Variants in DNAAF10 observed in about 807,000 individuals in gnomAD.
The protein encoded by DNAAF10 is WD repeat domain 92.
In DNAAF10, 28 loss-of-function variants were observed where a neutral mutation model predicts 43.7. The ratio of observed to expected loss-of-function variants is 0.64; its 90% CI spans 0.48 to 0.88. DNAAF10 has a LOEUF of 0.88. Ranked by LOEUF, DNAAF10 falls within the 40% of genes least tolerant of loss-of-function variation. DNAAF10 has a pLI of 0.00. For missense variants in DNAAF10, 403 were observed against 439.1 expected, an observed-to-expected ratio of 0.92 and a Z score of 0.73; for synonymous variants, 156 against 157.3, an observed-to-expected ratio of 0.99 and a Z score of 0.06.
At chr2:68,147,851 T>C (rs1231592199) in intron 1 of DNAAF10, among the ~76,000 whole-genome samples, 1 of 152,238 alleles carries the variant, frequency 6.6e-6, no homozygotes, top group Non-Finnish European at 1.5e-5. Context: ...TATGAAAGTT[T>C]CAGCATTTCA....
Position 68,131,053 on chromosome 2 carries a change from C to CTACA in DNAAF10, c.*181_*184dup. On this transcript the variant is annotated 3_prime_UTR_variant, in exon 8 of 8. Transcript: ENST00000295121. ...GCCTCAGCCTCCCAAGTAGCTAGGA[C>CTACA]TACAGATGCCCGCCATGACACCCAG... 1 of 484,830 alleles carries CTACA rather than the reference C, an allele frequency of 2.1e-6. No individual in the cohort carries two copies. The highest frequency in any genetic ancestry group is 3.3e-5 in the Admixed American group (1 of 30,028). 30.0% of individuals were successfully genotyped at this position (484,830 alleles called of 1,614,324 possible). A position where few individuals can be genotyped will look rare whatever the true frequency, so the allele number is the denominator to read the frequency against.
intron 5 of DNAAF10, 45 bp downstream of exon 5, chr2:68,138,697 G>T: frequency 7.2e-7 from 1 of 1,387,508 alleles, no homozygotes; most frequent in Non-Finnish European, 1.0e-6. Context: ...AGAGGTGAAT[G>T]GAAACATGCT....
intron 7 of DNAAF10, among the ~76,000 whole-genome samples, chr2:68,133,305 C>T (rs904620454): frequency 6.6e-6 from 1 of 152,008 alleles, no homozygotes; most frequent in Admixed American, 6.6e-5. Flanking sequence ...TGCAGTGGTG[C>T]GATCTCGACT....
rs1419040730 is a variant in DNAAF10 at position 68,130,851 on chromosome 2, G to C, written c.*387C>G. 1 of 165,150 alleles carries C rather than the reference G, an allele frequency of 6.1e-6. No homozygotes were observed. The highest frequency in any genetic ancestry group is 2.4e-5 in the African/African-American group (1 of 41,534). The allele number at this position is 165,150 out of a possible 1,614,324, so 10.2% of individuals were successfully genotyped here. A position where few individuals can be genotyped will look rare whatever the true frequency, so the allele number is the denominator to read the frequency against. ...ATCCAGCTTTGTTCAATGAGGGTCA[G>C]AGGACTCCAGAACCTATCTTAAATT... is the stretch of plus-strand genomic sequence containing the variant. On this transcript the variant is annotated 3_prime_UTR_variant, in exon 8 of 8. Transcript: ENST00000295121.
chr2:68,146,248 C>A (rs973198430), intron 2 of DNAAF10, among the ~76,000 whole-genome samples: 1 of 152,042 alleles, frequency 6.6e-6, no homozygotes, highest in Non-Finnish European at 1.5e-5. Flanking sequence ...GGCAACAGAG[C>A]GAGACTCCAT....
chr2:68,157,259 A>G lies in DNAAF10; in HGVS notation c.183+2T>C, dbSNP rs1243379019. On this transcript the variant is annotated splice_donor_variant, in intron 1 of 7. Coordinates refer to ENST00000295121, the MANE Select transcript of DNAAF10 (RefSeq NM_138458.4). LOFTEE classifies it high-confidence loss of function. ...AGTCCGGATCCTCGACCCGGCACCC[A>G]CCTCCCGAAGCAGCTTCAGGTCCCC... 1 of 1,611,474 alleles carries G rather than the reference A, an allele frequency of 6.2e-7. No individual in the cohort carries two copies. The highest frequency in any genetic ancestry group is 8.5e-7 in the Non-Finnish European group (1 of 1,178,714).
intron 6 of DNAAF10, among the ~76,000 whole-genome samples, chr2:68,135,525 G>C (rs1322118329): frequency 6.6e-6 from 1 of 152,122 alleles, no homozygotes; most frequent in Admixed American, 6.5e-5. Flanking sequence ...GCATTAACTG[G>C]GGGGAACTTA....
At chr2:68,142,806 C>A (rs6546356) in intron 3 of DNAAF10, among the ~76,000 whole-genome samples, 1 of 151,454 alleles carries the variant, frequency 6.6e-6, no homozygotes, top group African/African-American at 2.4e-5. Context: ...AAAAGGAAAA[C>A]AACTCAGGAA....
At chr2:68,155,603 G>A (rs890199244) in intron 1 of DNAAF10, among the ~76,000 whole-genome samples, 9 of 152,132 alleles carry the variant, frequency 5.9e-5, no homozygotes, top group East Asian at 1.9e-4. Context: ...AGAGGCGGGA[G>A]GATGGTTTGA....
At chr2:68,140,346 C>T (rs1398787016) in intron 4 of DNAAF10, among the ~76,000 whole-genome samples, 1 of 152,164 alleles carries the variant, frequency 6.6e-6, no homozygotes, top group East Asian at 1.9e-4. Context: ...TTACCATTTT[C>T]CTTTACAAAT....
At chr2:68,139,263 T>TC (rs1468884277) in intron 4 of DNAAF10, among the ~76,000 whole-genome samples, 14 of 152,048 alleles carry the variant, frequency 9.2e-5, no homozygotes, top group Admixed American at 9.2e-4. Flanking sequence ...ACCTCCCTCC[T>TC]CCCCTCTCTC....
rs760030323 is a variant in DNAAF10 at position 68,137,330 on chromosome 2, G to A, written c.737C>T (p.Pro246Leu). ...FHVFDMRTQH[P>L]TKGFASVSEK... ...TGAAACAGAGGCAAAACCTTTGGTT[G>A]GATGCTGTGTTCTCATGTCAAAAAC... Residue 246 changes from proline (P) to leucine (L), a missense_variant, in exon 6 of 8, where the codon CCA (proline) becomes CTA (leucine). Pro to Leu is a moderately conservative substitution (Grantham distance 98). Transcript: ENST00000295121. 1.7e-5 allele frequency: 27 copies of A among 1,612,350 alleles called. No individual in the cohort carries two copies. Among genetic ancestry groups the A allele is most frequent in the Non-Finnish European group, 2.1e-5 (25 of 1,179,262 alleles).
chr2:68,145,332 GTGAATAGAAGA>G (rs1432371720), intron 2 of DNAAF10, among the ~76,000 whole-genome samples: 3 of 152,070 alleles, frequency 2.0e-5, no homozygotes, highest in Non-Finnish European at 2.9e-5. Flanking sequence ...AATATGGGAG[GTGAATAGAAGA>G]TGGACACCAT....
chr2:68,145,013 G>C (rs1468471077), intron 2 of DNAAF10, among the ~76,000 whole-genome samples: 2 of 152,084 alleles, frequency 1.3e-5, no homozygotes, highest in Non-Finnish European at 2.9e-5. Flanking sequence ...AGGTTTGCTT[G>C]TTGATAAACG....
chr2:68,135,639 T>G (rs1317440920), intron 6 of DNAAF10, among the ~76,000 whole-genome samples: 3 of 152,164 alleles, frequency 2.0e-5, no homozygotes, highest in Non-Finnish European at 4.4e-5. Flanking sequence ...TACACCACAT[T>G]TTAGTGAGTG....
At chr2:68,154,287 C>T (rs1166819327) in intron 1 of DNAAF10, among the ~76,000 whole-genome samples, 1 of 151,588 alleles carries the variant, frequency 6.6e-6, no homozygotes, top group Admixed American at 6.6e-5. Context: ...TGCTCTGTCA[C>T]CCACGCTGGA....
chr2:68,145,044 C>T (rs944592327), intron 2 of DNAAF10, among the ~76,000 whole-genome samples: 1 of 152,044 alleles, frequency 6.6e-6, no homozygotes, highest in Non-Finnish European at 1.5e-5. Context: ...GGCTCCTCCC[C>T]AAACATAATG....
At chr2:68,132,723 C>G (rs1314918172) in intron 7 of DNAAF10, among the ~76,000 whole-genome samples, 1 of 152,184 alleles carries the variant, frequency 6.6e-6, no homozygotes, top group African/African-American at 2.4e-5. Flanking sequence ...AGCTAAATAT[C>G]ATTGTACTTA....
chr2:68,131,635 G>A (rs868024724), intron 7 of DNAAF10, 190 bp from the exon 8 acceptor site: 15 of 586,012 alleles, frequency 2.6e-5, no homozygotes, highest in South Asian at 6.6e-5. Flanking sequence ...CCCAAAACAC[G>A]TCATAAAAAA....
Sources: allele counts gnomAD v4.1 joint callset (sites outside exome capture counted in the v4.1 genomes callset), GRCh38; gene constraint gnomAD v4.1.1; transcripts MANE v1.5; gene names NCBI Gene and HGNC (gene_info 2026-07-23, HGNC 2026-07-21).